The following PDE9A variants were observed in gnomAD, a reference collection of about 807,000 sequenced individuals.
PDE9A encodes phosphodiesterase 9A, also known as high affinity cGMP-specific 3',5'-cyclic phosphodiesterase 9A.
Under a neutral mutation model 87.4 loss-of-function variants are expected in PDE9A, and 60 were observed. The ratio of observed to expected loss-of-function variants is 0.69; its 90% CI spans 0.56 to 0.85. The LOEUF is 0.85. Among genes scored for constraint, PDE9A ranks in the 40% least tolerant of loss-of-function variants. PDE9A has a pLI of 0.00. For synonymous variants in PDE9A, 272 were observed against 279.4 expected (o/e 0.97, Z 0.27); for missense variants, 665 against 779.0 (o/e 0.85, Z 1.74).
At chr21:42,765,659 C>A in intron 15 of PDE9A, 165 bp downstream of exon 15, 1 of 633,650 alleles carries the variant, frequency 1.6e-6, no homozygotes, top group South Asian at 1.8e-5. Flanking sequence ...TAGGAAAGTC[C>A]GGGCAGGGCC....
At chr21:42,727,485 G>A (rs2051250395) in intron 4 of PDE9A, among the ~76,000 whole-genome samples, 2 of 115,228 alleles carry the variant, frequency 1.7e-5, no homozygotes, top group Admixed American at 8.9e-5. Flanking sequence ...CACCACGCCT[G>A]GCTATTTTTT....
chr21:42,706,336 G>A lies in PDE9A; in HGVS notation c.262+7325G>A, dbSNP rs988561274. Among the ~76,000 whole-genome samples, 5 of 152,234 alleles carry A rather than the reference G, an allele frequency of 3.3e-5. No homozygotes were observed. In the South Asian group the frequency reaches 8.3e-4, roughly 25 times the overall value. ...TGAGATGTCATTGATATAACATAAA[G>A]CCCACCATTTTAAAGTGTACAACCT... On this transcript the variant is annotated intron_variant, in intron 4 of 19. Transcript: ENST00000291539.
chr21:42,768,670 C>T (rs888423735), intron 16 of PDE9A: 1 of 985,306 alleles, frequency 1.0e-6, no homozygotes, highest in Admixed American at 6.2e-5. Context: ...CGGGGAAGGT[C>T]GGGGACATAG....
At chr21:42,732,871 G>A (rs1272313923) in intron 6 of PDE9A, among the ~76,000 whole-genome samples, 6 of 152,200 alleles carry the variant, frequency 3.9e-5, no homozygotes, top group African/African-American at 9.7e-5. Context: ...CCGAGATCAC[G>A]CCACTGCACT....
At chr21:42,664,375 G>A (rs2057816095) in intron 1 of PDE9A, among the ~76,000 whole-genome samples, 1 of 152,246 alleles carries the variant, frequency 6.6e-6, no homozygotes, top group Non-Finnish European at 1.5e-5. Context: ...AGCCGCTCCT[G>A]ATGGTGCTGC....
At chr21:42,664,729 C>A (rs1177238076) in intron 1 of PDE9A, among the ~76,000 whole-genome samples, 1 of 152,206 alleles carries the variant, frequency 6.6e-6, no homozygotes, top group Non-Finnish European at 1.5e-5. Context: ...TTCTGTAGCT[C>A]CCCCCATCAC....
intron 15 of PDE9A, 34 bp from the exon 16 acceptor site, chr21:42,768,154 C>T: frequency 7.7e-7 from 1 of 1,306,118 alleles, no homozygotes; most frequent in Non-Finnish European, 1.1e-6. Context: ...TGTTCTACCT[C>T]CTGTTACCTC....
intron 4 of PDE9A, among the ~76,000 whole-genome samples, chr21:42,707,513 G>C (rs35465851): frequency 1.3e-5 from 2 of 152,174 alleles, no homozygotes; most frequent in Non-Finnish European, 2.9e-5. Context: ...AGCTCAGAGC[G>C]AGGAGTCACC....
chr21:42,695,601 A>C lies in PDE9A; in HGVS notation c.219-3367A>C, dbSNP rs932572433. On this transcript the variant is annotated intron_variant, in intron 3 of 19. Transcript: ENST00000291539. The surrounding 1 kb of genome is among the most constrained non-coding windows in gnomAD (Gnocchi z 4.3). ...TCCACCGGCTGAGCTCTGTGCATGC[A>C]GGGCCAGTATTCTCGGCCATTCTGG... 2.0e-5 allele frequency among the ~76,000 whole-genome samples: 3 copies of C among 152,214 alleles called. No homozygotes were observed. The highest frequency in any genetic ancestry group is 7.2e-5 in the African/African-American group (3 of 41,456).
intron 1 of PDE9A, among the ~76,000 whole-genome samples, chr21:42,670,224 T>C (rs1191912998): frequency 3.2e-5 from 3 of 92,684 alleles, no homozygotes; most frequent in African/African-American, 2.3e-4. Flanking sequence ...TTCACACACA[T>C]ACACTTACAT....
intron 2 of PDE9A, 55 bp downstream of exon 2, chr21:42,686,317 T>C (rs1488297649): frequency 6.9e-7 from 1 of 1,444,162 alleles, no homozygotes; most frequent in African/African-American, 1.4e-5. Flanking sequence ...CCTCGCCTTT[T>C]CGGGATGGCT....
Position 42,772,515 on chromosome 21 carries a change from G to C in PDE9A, c.1763G>C (p.Ser588Thr). 1 of 1,600,108 alleles carries C rather than the reference G, an allele frequency of 6.2e-7. No homozygotes were observed. The highest frequency in any genetic ancestry group is 8.5e-7 in the Non-Finnish European group (1 of 1,171,728). ...SRERSRDVKN[S>T]EGDCA ...GAGAGAAGCAGAGATGTGAAAAACA[G>C]TGAAGGTAATGCTTGCTCTGCTGAA... The change falls in exon 19 of 20, where the codon AGT becomes ACT. Residue 588 changes from serine to threonine, a missense_variant. Coordinates refer to ENST00000291539, the MANE Select transcript of PDE9A (RefSeq NM_002606.3).
intron 2 of PDE9A, 27 bp downstream of exon 2, chr21:42,686,289 G>A (rs1180765340): frequency 5.6e-6 from 9 of 1,597,606 alleles, no homozygotes; most frequent in African/African-American, 1.3e-5. Context: ...GGCTCTGCCC[G>A]GTGACGCCAC....
At position 42,760,866 on chromosome 21, in the gene PDE9A, G is replaced by A. The variant is rs763901045; in HGVS notation, c.1044G>A (p.Ala348=). The A allele has an allele frequency of 9.3e-6, 15 of 1,612,126 alleles. No homozygotes were observed. Among genetic ancestry groups the A allele is most frequent in the Middle Eastern group, 1.6e-4 (1 of 6,076 alleles). Reference sequence around the variant, plus strand: ...CGGATATCCTGATCCTAATGACAGCGGCCATCTGCCACGATCTGGACCATC... The same window carrying A: ...CGGATATCCTGATCCTAATGACAGCAGCCATCTGCCACGATCTGGACCATC... The part of the protein sequence containing the change: ...SQTDILILMT[A]AICHDLDHPG... The change falls in exon 13 of 20, where the codon GCG becomes GCA. Residue 348 remains alanine (A), a synonymous_variant. Coordinates refer to ENST00000291539, the MANE Select transcript of PDE9A (RefSeq NM_002606.3). The surrounding 1 kb of genome is among the most constrained non-coding windows in gnomAD (Gnocchi z 5.2).
chr21:42,710,945 G>A (rs1229044517), intron 4 of PDE9A, among the ~76,000 whole-genome samples: 7 of 152,082 alleles, frequency 4.6e-5, no homozygotes, highest in Non-Finnish European at 8.8e-5. Flanking sequence ...CTGAGATCGC[G>A]CCTTGCACTC....
intron 4 of PDE9A, among the ~76,000 whole-genome samples, chr21:42,708,227 T>G (rs1451519333): frequency 6.6e-6 from 1 of 152,128 alleles, no homozygotes; most frequent in East Asian, 1.9e-4. Context: ...TCTGGAATGG[T>G]GTGTTCAGAC....
At chr21:42,730,077 C>T (rs919400499) in intron 4 of PDE9A, among the ~76,000 whole-genome samples, 2 of 152,144 alleles carry the variant, frequency 1.3e-5, no homozygotes, top group African/African-American at 2.4e-5. Context: ...TTATGTGATA[C>T]GCTACCTTTT....
At chr21:42,765,643 T>C (rs772479540) in intron 15 of PDE9A, 149 bp downstream of exon 15, 33 of 671,368 alleles carry the variant, frequency 4.9e-5, no homozygotes, top group Non-Finnish European at 8.9e-5. Context: ...AGGTCATGAC[T>C]CTTACTAGGA....
At chr21:42,685,500 C>CTT (rs1260104143) in intron 1 of PDE9A, among the ~76,000 whole-genome samples, 1 of 117,400 alleles carries the variant, frequency 8.5e-6, no homozygotes, top group East Asian at 2.9e-4. Flanking sequence ...GAGTTTCACT[C>CTT]TTGTTGCCCA....
Sources: gnomAD v4.1 joint callset for allele counts (sites outside exome capture counted in the v4.1 genomes callset) on GRCh38, gnomAD v4.1.1 for gene constraint, Gnocchi (gnomAD v3.1) non-coding constraint, MANE v1.5 for transcripts, NCBI Gene and HGNC (gene_info 2026-07-23, HGNC 2026-07-21) for gene names.